Variants in KIAA1549 observed in about 807,000 individuals in gnomAD.
The protein encoded by KIAA1549 is UPF0606 protein KIAA1549.
In KIAA1549, 70 loss-of-function variants were observed where a neutral mutation model predicts 156.4. The ratio of observed to expected loss-of-function variants is 0.45; its 90% CI spans 0.37 to 0.55. KIAA1549 has a LOEUF of 0.55. Among genes scored for constraint, KIAA1549 ranks in the 20% least tolerant of loss-of-function variants. KIAA1549 has a pLI of 0.00. For missense variants in KIAA1549, 2,428 were observed against 2,540.9 expected, an observed-to-expected ratio of 0.96 and a Z score of 0.96; for synonymous variants, 1,103 against 1,066.4, an observed-to-expected ratio of 1.03 and a Z score of -0.67.
chr7:138,919,622 A>G (rs1812496305), intron 1 of KIAA1549, 184 bp from the exon 2 acceptor site: 2 of 1,035,878 alleles, frequency 1.9e-6, no homozygotes, highest in Admixed American at 3.0e-5. Flanking sequence ...CATCAGGACA[A>G]TATCTGCAAA....
chr7:138,840,824 A>G (rs1408643563), intron 18 of KIAA1549, among the ~76,000 whole-genome samples: 1 of 152,160 alleles, frequency 6.6e-6, no homozygotes, highest in Non-Finnish European at 1.5e-5. Flanking sequence ...CAACAGCCCC[A>G]GTGGAACCAC....
chr7:138,872,556 GAGAA>G (rs1810970827), intron 12 of KIAA1549, among the ~76,000 whole-genome samples: 1 of 152,082 alleles, frequency 6.6e-6, no homozygotes, highest in Non-Finnish European at 1.5e-5. Context: ...TTTGAAAAAA[GAGAA>G]AGAGAAAAAT....
At chr7:138,896,895 C>T (rs1237390495) in intron 9 of KIAA1549, among the ~76,000 whole-genome samples, 2 of 152,136 alleles carry the variant, frequency 1.3e-5, no homozygotes, top group Non-Finnish European at 2.9e-5. Context: ...GCCACCACAC[C>T]TGCCCTCTTC....
chr7:138,938,556 G>A (rs1813085187), intron 1 of KIAA1549, among the ~76,000 whole-genome samples: 1 of 152,074 alleles, frequency 6.6e-6, no homozygotes, highest in Non-Finnish European at 1.5e-5. Context: ...AGGGTTCTGT[G>A]GGACTCCATG....
intron 1 of KIAA1549, among the ~76,000 whole-genome samples, chr7:138,949,115 A>C (rs1420700623): frequency 2.0e-5 from 3 of 152,152 alleles, no homozygotes; most frequent in African/African-American, 7.2e-5. Flanking sequence ...AACTATCTCT[A>C]ATCTACAAGT....
At chr7:138,945,851 A>G (rs1392323243) in intron 1 of KIAA1549, among the ~76,000 whole-genome samples, 1 of 152,128 alleles carries the variant, frequency 6.6e-6, no homozygotes, top group Admixed American at 6.5e-5. Context: ...GCTTGAGCCC[A>G]GGAGTTCAAG....
At chr7:138,904,965 G>T in intron 7 of KIAA1549, 57 bp downstream of exon 7, 2 of 1,050,152 alleles carry the variant, frequency 1.9e-6, no homozygotes, top group Non-Finnish European at 2.9e-6. Context: ...TTCTCAATAC[G>T]CCTGCATAGA....
rs1809535954 is a variant in KIAA1549 at position 138,831,692 on chromosome 7, T to C, written c.*6214A>G. 1.3e-5 allele frequency: 3 copies of C among 230,730 alleles called. No homozygotes were observed. The highest frequency in any genetic ancestry group is 1.1e-4 in the Admixed American group (2 of 17,702). The allele number at this position is 230,730 out of a possible 1,614,324, so 14.3% of individuals were successfully genotyped here. ...CAATTTGCTCTGCACATTTCGTACA[T>C]TAACGCTCATAATCTAGGGATGAGT... is the stretch of plus-strand genomic sequence containing the variant. On this transcript the variant is annotated 3_prime_UTR_variant, in exon 20 of 20. Transcript: ENST00000422774.
chr7:138,911,076 T>A (rs1317968963), intron 4 of KIAA1549, 70 bp downstream of exon 4: 1 of 1,086,866 alleles, frequency 9.2e-7, no homozygotes, highest in Non-Finnish European at 1.3e-6. Context: ...TGATTTCCAA[T>A]ATTTTAGAAA....
At position 138,917,666 on chromosome 7, in the gene KIAA1549, C is replaced by A. The variant is rs749474058; in HGVS notation, c.1960G>T (p.Asp654Tyr). Residue 654 changes from aspartate (D) to tyrosine (Y), a missense_variant, in exon 2 of 20, where the codon GAC becomes TAC. By Grantham distance (160) the Asp-to-Tyr change is radical. Around this residue, in one of 5 missense-constraint regions of KIAA1549, gnomAD observed 893 missense variants for 847.9 expected, o/e 1.05. Transcript: ENST00000422774. Reference protein sequence around the residue: ...APASLSLMPSDLSPFTSQSFS... With the variant: ...APASLSLMPSYLSPFTSQSFS... ...GACTGAGATGTGAAGGGGGACAAGT[C>A]ACTCGGCATCAGAGACAGAGACGCA... is the stretch of plus-strand genomic sequence containing the variant. The A allele has an allele frequency of 1.2e-6, 2 of 1,612,310 alleles. No individual in the cohort carries two copies.
chr7:138,833,846 T>C lies in KIAA1549; in HGVS notation c.*4060A>G, dbSNP rs2130309725. 4.3e-6 allele frequency: 1 copy of C among 233,230 alleles called. No individual in the cohort carries two copies. Among genetic ancestry groups the C allele is most frequent in the East Asian group, 6.0e-5 (1 of 16,564 alleles). 14.4% of individuals were successfully genotyped at this position (233,230 alleles called of 1,614,324 possible). On this transcript the variant is annotated 3_prime_UTR_variant, in exon 20 of 20. Transcript: ENST00000422774. ...CTTCCTCTGTAGATCTTCACAGCCC[T>C]GGTCGTTTCCTTGCTGCATGACTGC...
chr7:138,976,293 T>A (rs1407561828), intron 1 of KIAA1549, among the ~76,000 whole-genome samples: 2 of 152,092 alleles, frequency 1.3e-5, no homozygotes, highest in African/African-American at 4.8e-5. Flanking sequence ...GCCAGGCTGG[T>A]CTCCAACTCC....
chr7:138,846,768 A>G (rs1213280609), intron 17 of KIAA1549, among the ~76,000 whole-genome samples: 1 of 152,170 alleles, frequency 6.6e-6, no homozygotes, highest in Non-Finnish European at 1.5e-5. Flanking sequence ...CAAGAAAAAA[A>G]AGATAATAGT....
intron 10 of KIAA1549, among the ~76,000 whole-genome samples, chr7:138,893,916 C>T (rs1811609708): frequency 6.6e-6 from 1 of 152,206 alleles, no homozygotes; most frequent in Non-Finnish European, 1.5e-5. Context: ...ACTAAAAATA[C>T]AAACACTGGC....
chr7:138,943,237 G>A (rs1400629935), intron 1 of KIAA1549, among the ~76,000 whole-genome samples: 2 of 152,166 alleles, frequency 1.3e-5, no homozygotes, highest in Non-Finnish European at 2.9e-5. Flanking sequence ...CACAAAGGCC[G>A]ATGGTGAAGG....
chr7:138,959,034 G>C (rs1813757994), intron 1 of KIAA1549, among the ~76,000 whole-genome samples: 1 of 152,046 alleles, frequency 6.6e-6, no homozygotes, highest in East Asian at 1.9e-4. Context: ...CGAGTAGCTG[G>C]GATTGCAGGC....
rs968763858 is a variant in KIAA1549 at position 138,834,632 on chromosome 7, A to G, written c.*3274T>C. 17 of 231,876 alleles carry G rather than the reference A, an allele frequency of 7.3e-5. No homozygotes were observed. Among genetic ancestry groups the G allele is most frequent in the South Asian group, 5.4e-4 (3 of 5,520 alleles). The allele number at this position is 231,876 out of a possible 1,614,324, so 14.4% of individuals were successfully genotyped here. On this transcript the variant is annotated 3_prime_UTR_variant, in exon 20 of 20. Coordinates refer to ENST00000422774, the MANE Select transcript of KIAA1549 (RefSeq NM_001164665.2). ...AAAGATGCTTAATAAATGCAATCGG[A>G]AAATTGGTGAAGGAAGTGAAATTAA...
At chr7:138,889,797 A>G (rs1197243047) in intron 10 of KIAA1549, among the ~76,000 whole-genome samples, 1 of 152,190 alleles carries the variant, frequency 6.6e-6, no homozygotes, top group African/African-American at 2.4e-5. Flanking sequence ...TATGCACAAA[A>G]CAAAAGCCAT....
intron 1 of KIAA1549, among the ~76,000 whole-genome samples, chr7:138,969,726 G>A (rs527483902): frequency 6.2e-4 from 94 of 152,172 alleles, no homozygotes; most frequent in Admixed American, 2.3e-3. Context: ...CCAAGTAGCT[G>A]GGATTACAGG....
Sources: gnomAD v4.1 joint callset for allele counts (sites outside exome capture counted in the v4.1 genomes callset) on GRCh38, gnomAD v4.1.1 for gene constraint, gnomAD v4.1.1 regional missense constraint, MANE v1.5 for transcripts, NCBI Gene and HGNC (gene_info 2026-07-23, HGNC 2026-07-21) for gene names.